Variants in SH3BGRL observed in about 807,000 individuals in gnomAD.
The protein encoded by SH3BGRL is adapter SH3BGRL.
SH3BGRL carries 7 observed loss-of-function variants against 9.8 expected under a neutral mutation model. That is an observed-to-expected ratio of 0.72 (90% CI 0.41 to 1.35). The LOEUF (loss-of-function observed/expected upper bound fraction) is 1.35, where lower values mean the gene tolerates loss of function less well. Among genes scored for constraint, SH3BGRL ranks in the 40% most tolerant of loss-of-function variants. The pLI, the probability that SH3BGRL is intolerant of heterozygous loss-of-function variation, is 0.01. For synonymous variants in SH3BGRL, 36 were observed against 29.1 expected, an observed-to-expected ratio of 1.24 and a Z score of -0.76; for missense variants, 73 against 84.4, an observed-to-expected ratio of 0.86 and a Z score of 0.53.
chrX:81,263,964 C>T (rs1382718577), intron 1 of SH3BGRL, among the ~76,000 whole-genome samples: 2 of 109,478 alleles, frequency 1.8e-5, no homozygotes, highest in Non-Finnish European at 3.8e-5. Flanking sequence ...GTCCAGAAAC[C>T]AGAGGCCTCG....
chrX:81,287,046 G>T (rs1388367535), intron 3 of SH3BGRL, among the ~76,000 whole-genome samples: 1 of 111,569 alleles, frequency 9.0e-6, no homozygotes, highest in African/African-American at 3.3e-5. Flanking sequence ...ACTTAGAGCT[G>T]CAGAATTTAT....
rs2075805273 is a variant in SH3BGRL, at chrX:81,278,395, C to T, written c.296C>T (p.Ala99Val). The change falls in exon 3 of 4, where the codon GCC becomes GTC. Residue 99 changes from alanine (A) to valine (V), a missense_variant. Transcript: ENST00000373212. ...NAVYAFLGLT[A>V]PPGSKEAEVQ... The stretch of plus-strand genomic sequence containing the variant: ...GTGTATGCCTTCTTAGGCTTGACAG[C>T]CCCACCTGGTTCAAAGGTATGATAC... 3 of 1,183,224 alleles carry T rather than the reference C, an allele frequency of 2.5e-6. No homozygotes were observed. Among genetic ancestry groups the T allele is most frequent in the South Asian group, 3.7e-5 (2 of 54,424 alleles).
chrX:81,244,049 C>T (rs773071785), intron 1 of SH3BGRL, among the ~76,000 whole-genome samples: 1 of 111,938 alleles, frequency 8.9e-6, no homozygotes, highest in East Asian at 2.8e-4. Flanking sequence ...GTTTTTACAG[C>T]ACTTTATTAA....
intron 3 of SH3BGRL, among the ~76,000 whole-genome samples, chrX:81,291,371 G>A (rs2075857670): frequency 9.0e-6 from 1 of 111,336 alleles, no homozygotes; most frequent in Non-Finnish European, 1.9e-5. Flanking sequence ...GTTGGCAGGA[G>A]GCGTTGAGTT....
intron 1 of SH3BGRL, among the ~76,000 whole-genome samples, chrX:81,237,554 C>A (rs1156717486): frequency 9.0e-6 from 1 of 111,409 alleles, no homozygotes; most frequent in African/African-American, 3.3e-5. Context: ...TAGCCCCAGC[C>A]AGAAGGGAAT....
intron 1 of SH3BGRL, among the ~76,000 whole-genome samples, chrX:81,204,160 T>C (rs924844967): frequency 2.7e-5 from 3 of 112,407 alleles, no homozygotes; most frequent in Admixed American, 9.4e-5. Context: ...TTTTTTGTCA[T>C]GAGTAGTTAG....
chrX:81,271,077 G>A (rs953236791), intron 1 of SH3BGRL, among the ~76,000 whole-genome samples: 8 of 112,278 alleles, frequency 7.1e-5, no homozygotes, highest in African/African-American at 2.6e-4. Flanking sequence ...GGATCTCCTG[G>A]TCGGCTGGTT....
At chrX:81,273,331 GTTGTCT>G in intron 1 of SH3BGRL, among the ~76,000 whole-genome samples, 1 of 112,257 alleles carries the variant, frequency 8.9e-6, no homozygotes. Context: ...ACCTTGTATT[GTTGTCT>G]TAGCTTCTTA....
intron 2 of SH3BGRL, 84 bp downstream of exon 2, chrX:81,277,253 CAT>C (rs1188316337): frequency 1.3e-6 from 1 of 790,220 alleles, no homozygotes; most frequent in Non-Finnish European, 1.8e-6. Context: ...TCCAAGCCTG[CAT>C]ATATATAGTC....
intron 1 of SH3BGRL, among the ~76,000 whole-genome samples, chrX:81,211,267 T>C (rs1010832190): frequency 3.6e-5 from 4 of 111,639 alleles, no homozygotes; most frequent in African/African-American, 9.8e-5. Flanking sequence ...CTGGGTACTG[T>C]CTGTGTGGGT....
intron 1 of SH3BGRL, among the ~76,000 whole-genome samples, chrX:81,270,408 G>C (rs945852975): frequency 1.3e-4 from 15 of 111,769 alleles, no homozygotes; most frequent in African/African-American, 4.9e-4. Context: ...TTTTGGTGTG[G>C]ATGTCCTTTT....
intron 3 of SH3BGRL, 89 bp from the exon 4 acceptor site, chrX:81,297,106 G>C (rs1184482358): frequency 2.7e-6 from 2 of 739,401 alleles, no homozygotes; most frequent in Non-Finnish European, 4.0e-6. Flanking sequence ...ATTCTTAGTA[G>C]TTGGAACTAA....
chrX:81,256,100 C>A (rs2147697712), intron 1 of SH3BGRL, among the ~76,000 whole-genome samples: 1 of 111,793 alleles, frequency 8.9e-6, no homozygotes, highest in African/African-American at 3.2e-5. Flanking sequence ...TTTTGGTTTT[C>A]CCCCTTTTTC....
At chrX:81,273,310 C>G (rs1316505183) in intron 1 of SH3BGRL, among the ~76,000 whole-genome samples, 1 of 112,598 alleles carries the variant, frequency 8.9e-6, no homozygotes, top group African/African-American at 3.2e-5. Flanking sequence ...CTTGGCTCCT[C>G]TCACCTAACA....
chrX:81,293,425 G>A (rs978273320), intron 3 of SH3BGRL, among the ~76,000 whole-genome samples: 34 of 112,166 alleles, frequency 3.0e-4, no homozygotes, highest in Admixed American at 2.2e-3. Context: ...GCTCATGCCT[G>A]TAATCCCAGC....
intron 1 of SH3BGRL, among the ~76,000 whole-genome samples, chrX:81,263,226 T>A (rs1426613995): frequency 1.8e-5 from 2 of 111,368 alleles, no homozygotes; most frequent in Non-Finnish European, 3.8e-5. Flanking sequence ...CAGCCTGATC[T>A]GATCTGGGAG....
rs913666803 is a variant in SH3BGRL at position 81,297,487 on chromosome X, C to T, written c.*260C>T. ...GAAATAGTGTTGTTACCTGCCAAGC[C>T]ATCCTGTATACACCAATGATTTTAC... On this transcript the variant is annotated 3_prime_UTR_variant, in exon 4 of 4. Coordinates refer to ENST00000373212, the MANE Select transcript of SH3BGRL (RefSeq NM_003022.3). 2.2e-4 allele frequency: 53 copies of T among 244,687 alleles called. No individual in the cohort carries two copies. In the East Asian group the frequency reaches 3.8e-3, roughly 17 times the overall value. 20.2% of individuals were successfully genotyped at this position (244,687 alleles called of 1,213,427 possible). A position where few individuals can be genotyped will look rare whatever the true frequency, so the allele number is the denominator to read the frequency against.
intron 3 of SH3BGRL, among the ~76,000 whole-genome samples, chrX:81,295,127 G>A (rs1474469733): frequency 8.9e-6 from 1 of 111,970 alleles, no homozygotes; most frequent in Admixed American, 9.5e-5. Flanking sequence ...TTGGTTTAAT[G>A]CTGAAATGAG....
At chrX:81,293,809 T>C (rs1023823819) in intron 3 of SH3BGRL, among the ~76,000 whole-genome samples, 1 of 112,211 alleles carries the variant, frequency 8.9e-6, no homozygotes, top group Non-Finnish European at 1.9e-5. Context: ...TGAATGACTT[T>C]GACCAAAAGC....
Sources: allele counts gnomAD v4.1 joint callset (sites outside exome capture counted in the v4.1 genomes callset), GRCh38; gene constraint gnomAD v4.1.1; transcripts MANE v1.5; gene names NCBI Gene and HGNC (gene_info 2026-07-23, HGNC 2026-07-21).